Variants in PDS5A observed in about 807,000 individuals in gnomAD.
The protein encoded by PDS5A is PDS5 cohesin associated factor A.
Under a neutral mutation model 167.1 loss-of-function variants are expected in PDS5A, and 42 were observed. That is an observed-to-expected ratio of 0.25 (90% CI 0.20 to 0.33). PDS5A has a LOEUF of 0.33. Ranked by LOEUF, PDS5A falls within the 10% of genes least tolerant of loss-of-function variation. The pLI, the probability that PDS5A is intolerant of heterozygous loss-of-function variation, is 1.00. For missense variants in PDS5A, 1,033 were observed against 1,605.9 expected (o/e 0.64, Z 6.10); for synonymous variants, 553 against 554.6 (o/e 1.00, Z 0.04).
chr4:39,856,099 G>A (rs962177544), intron 26 of PDS5A, among the ~76,000 whole-genome samples: 2 of 151,986 alleles, frequency 1.3e-5, no homozygotes, highest in Admixed American at 1.3e-4. Flanking sequence ...AGCCAAGAAG[G>A]AAGTGACTCA....
intron 32 of PDS5A, among the ~76,000 whole-genome samples, chr4:39,827,191 G>T (rs1715404169): frequency 6.6e-6 from 1 of 151,914 alleles, no homozygotes; most frequent in African/African-American, 2.4e-5. Context: ...GTAGAGATGG[G>T]GTTTCACTAT....
At chr4:39,904,826 C>G (rs1253733204) in intron 11 of PDS5A, among the ~76,000 whole-genome samples, 1 of 152,062 alleles carries the variant, frequency 6.6e-6, no homozygotes, top group Non-Finnish European at 1.5e-5. Context: ...TTTTTATTTC[C>G]CTTGAAAACT....
At chr4:39,859,206 CAAAAAAA>C (rs1273232707) in intron 26 of PDS5A, among the ~76,000 whole-genome samples, 1 of 151,954 alleles carries the variant, frequency 6.6e-6, no homozygotes, top group Non-Finnish European at 1.5e-5. Flanking sequence ...CCACAATTAA[CAAAAAAA>C]TTGTTTCTGA....
chr4:39,932,458 AC>A, intron 2 of PDS5A: 1 of 218,170 alleles, frequency 4.6e-6, no homozygotes, highest in Non-Finnish European at 1.0e-5. Flanking sequence ...AATACACACA[AC>A]CAAGGGGAGA....
chr4:39,964,232 G>A (rs1451944698), intron 2 of PDS5A, among the ~76,000 whole-genome samples: 1 of 152,132 alleles, frequency 6.6e-6, no homozygotes, highest in Non-Finnish European at 1.5e-5. Flanking sequence ...GGAAATCCAG[G>A]TTTTGCCTGT....
chr4:39,886,681 C>A (rs188748515), intron 17 of PDS5A, among the ~76,000 whole-genome samples: 6 of 151,684 alleles, frequency 4.0e-5, no homozygotes, highest in African/African-American at 1.5e-4. Context: ...CCATTGCACT[C>A]CAGCCTGGGC....
At chr4:39,964,602 C>T (rs1729800586) in intron 2 of PDS5A, among the ~76,000 whole-genome samples, 1 of 152,080 alleles carries the variant, frequency 6.6e-6, no homozygotes, top group African/African-American at 2.4e-5. Flanking sequence ...CTCCAAAGGC[C>T]AAGACAAGAG....
intron 15 of PDS5A, 69 bp from the exon 16 acceptor site, chr4:39,898,597 A>G: frequency 9.0e-7 from 1 of 1,110,408 alleles, no homozygotes; most frequent in Non-Finnish European, 1.3e-6. Context: ...AGCTAAAAAC[A>G]GGTGCCATCA....
chr4:39,902,687 T>C (rs796570956), intron 12 of PDS5A, among the ~76,000 whole-genome samples: 47 of 152,238 alleles, frequency 3.1e-4, no homozygotes, highest in African/African-American at 1.0e-3. Context: ...CATGCCCAGC[T>C]AATTTTTATA....
chr4:39,838,330 C>G (rs1196371098), intron 31 of PDS5A, 122 bp from the exon 32 acceptor site: 1 of 696,670 alleles, frequency 1.4e-6, no homozygotes, highest in Non-Finnish European at 2.3e-6. Context: ...CAGTTAACTG[C>G]TTACATCACA....
At chr4:39,930,246 A>AAAAAAAAAAAAAAAAAAATTTTTT in intron 2 of PDS5A, among the ~76,000 whole-genome samples, 3 of 93,166 alleles carry the variant, frequency 3.2e-5, no homozygotes, top group East Asian at 4.9e-4. Context: ...AAAAAAAAAA[A>AAAAAAAAAAAAAAAAAAATTTTTT]GTTTTTTTGT....
chr4:39,909,025 T>G (rs528026152), intron 10 of PDS5A: 2 of 115,626 alleles, frequency 1.7e-5, no homozygotes, highest in East Asian at 5.8e-4. Context: ...GGTAACAGAG[T>G]GACGCCCTGT....
chr4:39,904,228 C>CA, intron 11 of PDS5A, 37 bp from the exon 12 acceptor site: 2 of 1,509,370 alleles, frequency 1.3e-6, no homozygotes, highest in Non-Finnish European at 1.8e-6. Context: ...AGCAAGATAA[C>CA]AAAACTCTGT....
chr4:39,869,830 G>T (rs991584225), intron 21 of PDS5A, among the ~76,000 whole-genome samples: 1 of 152,148 alleles, frequency 6.6e-6, no homozygotes, highest in African/African-American at 2.4e-5. Context: ...TATTCAGCCG[G>T]GTGCAGAGGG....
At chr4:39,936,341 A>G (rs1022587793) in intron 2 of PDS5A, among the ~76,000 whole-genome samples, 5 of 152,104 alleles carry the variant, frequency 3.3e-5, no homozygotes, top group Non-Finnish European at 5.9e-5. Flanking sequence ...TCCATTTCTG[A>G]CAGACCAGCT....
chr4:39,877,217 C>A, intron 18 of PDS5A, 64 bp from the exon 19 acceptor site: 1 of 1,048,764 alleles, frequency 9.5e-7, no homozygotes. Context: ...AAAAGAATTA[C>A]TTCCCGCAAA....
chr4:39,881,834 C>A (rs1720956103), intron 17 of PDS5A, among the ~76,000 whole-genome samples: 1 of 152,222 alleles, frequency 6.6e-6, no homozygotes, highest in African/African-American at 2.4e-5. Flanking sequence ...TCACTTTGAA[C>A]TGTAATAAGC....
chr4:39,871,055 C>A (rs1329853009), intron 21 of PDS5A, among the ~76,000 whole-genome samples: 1 of 152,022 alleles, frequency 6.6e-6, no homozygotes, highest in African/African-American at 2.4e-5. Context: ...AAGTGAAATA[C>A]AACAGACACA....
chr4:39,932,372 C>T (rs1399043672), intron 2 of PDS5A: 1 of 155,768 alleles, frequency 6.4e-6, no homozygotes, highest in African/African-American at 2.4e-5. Flanking sequence ...TGGAAGAGAA[C>T]TAAGGTGGCC....
Sources: allele counts gnomAD v4.1 joint callset (sites outside exome capture counted in the v4.1 genomes callset), GRCh38; gene constraint gnomAD v4.1.1; transcripts MANE v1.5; gene names NCBI Gene and HGNC (gene_info 2026-07-23, HGNC 2026-07-21).